The following OTOP3 variants were observed in gnomAD, a reference collection of about 807,000 sequenced individuals.
OTOP3 encodes the protein otopetrin 3.
In OTOP3, 41 loss-of-function variants were observed where a neutral mutation model predicts 50.8. The ratio of observed to expected loss-of-function variants is 0.81; its 90% CI spans 0.63 to 1.05. OTOP3 has a LOEUF of 1.05. Among genes scored for constraint, OTOP3 ranks in the 50% least tolerant of loss-of-function variants. The pLI is 0.00. For synonymous variants in OTOP3, 320 were observed against 324.4 expected, an observed-to-expected ratio of 0.99 and a Z score of 0.14; for missense variants, 788 against 760.8, an observed-to-expected ratio of 1.04 and a Z score of -0.42.
chr17:74,941,285 C>A (rs1490436226), intron 1 of OTOP3, 108 bp from the exon 2 acceptor site: 16 of 1,204,800 alleles, frequency 1.3e-5, no homozygotes, highest in Admixed American at 3.2e-5. Flanking sequence ...AACCACCCAA[C>A]CAGAGAGGCC....
At chr17:74,945,382 G>A (rs2039215798) in intron 5 of OTOP3, among the ~76,000 whole-genome samples, 1 of 152,120 alleles carries the variant, frequency 6.6e-6, no homozygotes, top group Non-Finnish European at 1.5e-5. Flanking sequence ...TCTCCAGTTA[G>A]CCCCAGAAAT....
In OTOP3 at chr17:74,941,822, T is replaced by G. The variant is rs758898207; in HGVS notation, c.436+13T>G. Reference sequence around the variant, plus strand: ...CTCTGGGTGCGGGGTGAGTGTCAGGTTGCTGGGGGGCTGGGCAGGGGTGGG... The same window carrying G: ...CTCTGGGTGCGGGGTGAGTGTCAGGGTGCTGGGGGGCTGGGCAGGGGTGGG... On this transcript the variant is annotated intron_variant, in intron 2 of 6. Coordinates refer to ENST00000328801, the MANE Select transcript of OTOP3 (RefSeq NM_001272005.2). The G allele has an allele frequency of 6.2e-7, 1 of 1,601,560 alleles. No individual in the cohort carries two copies. The highest frequency in any genetic ancestry group is 1.1e-5 in the South Asian group (1 of 90,030).
Position 74,945,583 on chromosome 17 carries a change from G to T in OTOP3, c.752-1078G>T, listed in dbSNP as rs193071113. ...GATTAGATTCAGGTTAGATATTTTC[G>T]GCCCCAGCTTCTTCCAGGTGATGCT... On this transcript the variant is annotated intron_variant, in intron 5 of 6. Coordinates refer to ENST00000328801, the MANE Select transcript of OTOP3 (RefSeq NM_001272005.2). Among the ~76,000 whole-genome samples the T allele has an allele frequency of 1.3e-3, 204 of 152,234 alleles. 1 individual carries two copies. The highest frequency in any genetic ancestry group is 2.1e-3 in the Non-Finnish European group (145 of 68,026).
chr17:74,935,877 C>T, upstream of OTOP3: 2 of 1,547,564 alleles, frequency 1.3e-6, no homozygotes, highest in Non-Finnish European at 1.7e-6. Context: ...CTCACCTGGA[C>T]GGACGATCCG....
At chr17:74,948,812 T>C (rs1055902884) in intron 6 of OTOP3, among the ~76,000 whole-genome samples, 1 of 152,192 alleles carries the variant, frequency 6.6e-6, no homozygotes, top group Non-Finnish European at 1.5e-5. Context: ...CACTCCAGCC[T>C]GAGTGACAGA....
intron 1 of OTOP3, among the ~76,000 whole-genome samples, chr17:74,938,788 C>G (rs2039143245): frequency 6.6e-6 from 1 of 152,034 alleles, no homozygotes; most frequent in Non-Finnish European, 1.5e-5. Context: ...CTTTGCAGGA[C>G]TTTAAGTAGG....
intron 6 of OTOP3, among the ~76,000 whole-genome samples, chr17:74,948,822 A>G (rs930946719): frequency 6.6e-6 from 1 of 152,186 alleles, no homozygotes; most frequent in Non-Finnish European, 1.5e-5. Context: ...TGAGTGACAG[A>G]GTGAGACCTG....
chr17:74,941,845 G>T, intron 2 of OTOP3, 36 bp downstream of exon 2: 1 of 1,592,428 alleles, frequency 6.3e-7, no homozygotes. Context: ...GGGCAGGGGT[G>T]GGGAGGGAGA....
chr17:74,944,250 C>A (rs1440690902), intron 5 of OTOP3, among the ~76,000 whole-genome samples: 50 of 152,038 alleles, frequency 3.3e-4, no homozygotes, highest in Non-Finnish European at 2.4e-4. Flanking sequence ...TTGAGCCACA[C>A]CTGTATGTAC....
At chr17:74,947,739 A>ATC (rs1280124694) in intron 6 of OTOP3, among the ~76,000 whole-genome samples, 1 of 152,228 alleles carries the variant, frequency 6.6e-6, no homozygotes, top group Admixed American at 6.5e-5. Context: ...TGAATTCATC[A>ATC]TCCCTGGGTT....
intron 3 of OTOP3, among the ~76,000 whole-genome samples, chr17:74,942,589 C>T (rs1177213226): frequency 6.6e-6 from 1 of 151,320 alleles, no homozygotes; most frequent in Non-Finnish European, 1.5e-5. Flanking sequence ...CAAGATCATG[C>T]CACTGAGCTC....
rs751209305 is a variant in OTOP3, at chr17:74,941,516, A to G, written c.143A>G (p.Lys48Arg). The G allele has an allele frequency of 6.2e-7, 1 of 1,613,748 alleles. No individual in the cohort carries two copies. The highest frequency in any genetic ancestry group is 1.7e-5 in the Admixed American group (1 of 60,000). ...ERAAATRPRQ[K>R]SWLVRHFSLL... ...GCGGCCGCCACCCGGCCCCGGCAGA[A>G]GTCCTGGCTGGTGAGGCATTTCTCT... The change falls in exon 2 of 7, where the codon AAG (lysine) becomes AGG (arginine). Residue 48 changes from lysine (K) to arginine (R), a missense_variant. Coordinates refer to ENST00000328801, the MANE Select transcript of OTOP3 (RefSeq NM_001272005.2).
chr17:74,949,406 TG>T lies in OTOP3; in HGVS notation c.1732del (p.Ala578ProfsTer19). 1.2e-6 allele frequency: 2 copies of T among 1,612,608 alleles called. No homozygotes were observed. The highest frequency in any genetic ancestry group is 1.7e-6 in the Non-Finnish European group (2 of 1,179,674). On this transcript the variant is annotated frameshift_variant, in exon 7 of 7. Coordinates refer to ENST00000328801, the MANE Select transcript of OTOP3 (RefSeq NM_001272005.2). LOFTEE classifies it high-confidence loss of function. ...HSVGGLVEVY[L>X]GA ...GTGGGAGGCCTGGTGGAGGTCTACC[TG>T]GGGGCCTGAGGCTGCCCACCCCCGG...
chr17:74,949,428 C>G lies in OTOP3; in HGVS notation c.*12C>G, dbSNP rs765049017. On this transcript the variant is annotated 3_prime_UTR_variant, in exon 7 of 7. Coordinates refer to ENST00000328801, the MANE Select transcript of OTOP3 (RefSeq NM_001272005.2). ...ACCTGGGGGCCTGAGGCTGCCCACC[C>G]CCGGCAGAACCTCGAAGTGCCAAGG... The G allele has an allele frequency of 1.9e-6, 3 of 1,610,262 alleles. No homozygotes were observed. In the African/African-American group the frequency reaches 4.0e-5, roughly 22 times the overall value.
chr17:74,939,688 G>C (rs1394036966), intron 1 of OTOP3, among the ~76,000 whole-genome samples: 2 of 152,118 alleles, frequency 1.3e-5, no homozygotes, highest in Non-Finnish European at 2.9e-5. Context: ...GAAAAGAGGA[G>C]GGTAACGATC....
At chr17:74,948,968 G>A (rs1033019018) in intron 6 of OTOP3, among the ~76,000 whole-genome samples, 1 of 152,232 alleles carries the variant, frequency 6.6e-6, no homozygotes, top group Admixed American at 6.5e-5. Context: ...CTCCCCACAC[G>A]TGGCGGCAGC....
upstream of OTOP3, chr17:74,935,856 C>T (rs1425834540): frequency 6.5e-6 from 10 of 1,533,986 alleles, no homozygotes; most frequent in East Asian, 2.5e-5. Flanking sequence ...GAGGGCGTCG[C>T]GGGCATCGGT....
rs141842829 is a variant in OTOP3, at chr17:74,948,131, G to T, written c.1566+656G>T. Among the ~76,000 whole-genome samples the T allele has an allele frequency of 2.5e-3, 377 of 152,330 alleles. 1 individual carries two copies. The highest frequency in any genetic ancestry group is 8.6e-3 in the African/African-American group (359 of 41,588). On this transcript the variant is annotated intron_variant, in intron 6 of 6. Coordinates refer to ENST00000328801, the MANE Select transcript of OTOP3 (RefSeq NM_001272005.2). ...ATTAGGAGCTCAGCAAAGGAACTGT[G>T]GGCCTGCATAGCCAAGGAAGGCTTC...
chr17:74,947,858 A>G lies in OTOP3; in HGVS notation c.1566+383A>G, dbSNP rs115764812. ...GCGGAAGTCCCAGGTACACCTTTCC[A>G]TGCAATGTCTCTACGCTTCATTGAA... On this transcript the variant is annotated intron_variant, in intron 6 of 6. Transcript: ENST00000328801. 3.6e-3 allele frequency among the ~76,000 whole-genome samples: 555 copies of G among 152,348 alleles called. 3 individuals are homozygous for G. The highest frequency in any genetic ancestry group is 0.012 in the African/African-American group (519 of 41,584).
Sources: allele counts gnomAD v4.1 joint callset (sites outside exome capture counted in the v4.1 genomes callset), GRCh38; gene constraint gnomAD v4.1.1; transcripts MANE v1.5; gene names NCBI Gene and HGNC (gene_info 2026-07-23, HGNC 2026-07-21).